CEP128: variants seen among roughly 807,000 people sequenced by gnomAD.
CEP128 encodes centrosomal protein 128kDa.
In CEP128, 132 loss-of-function variants were observed where a neutral mutation model predicts 156.7. That is an observed-to-expected ratio of 0.84 (90% CI 0.73 to 0.97). CEP128 has a LOEUF of 0.97. CEP128 is among the 50% of genes least tolerant of loss of function. The pLI is 0.00. For synonymous variants in CEP128, 469 were observed against 448.9 expected (o/e 1.04, Z -0.57); for missense variants, 1,252 against 1,281.9 (o/e 0.98, Z 0.36).
At chr14:80,849,986 C>T (rs771369423) in intron 9 of CEP128, among the ~76,000 whole-genome samples, 12 of 151,406 alleles carry the variant, frequency 7.9e-5, no homozygotes, top group Non-Finnish European at 1.6e-4. Context: ...ATATGATTCC[C>T]GCGAAAAAAA....
At chr14:80,511,822 A>G (rs1888272618) in intron 23 of CEP128, among the ~76,000 whole-genome samples, 1 of 151,844 alleles carries the variant, frequency 6.6e-6, no homozygotes, top group South Asian at 2.1e-4. Context: ...TAATTTTTAA[A>G]TTTCTCTTAG....
chr14:80,719,191 T>G (rs1296422360), intron 19 of CEP128, among the ~76,000 whole-genome samples: 1 of 152,214 alleles, frequency 6.6e-6, no homozygotes, highest in Admixed American at 6.5e-5. Context: ...ATGCAGAAGT[T>G]ACTGCCCCTT....
At chr14:80,740,314 A>G (rs1184027060) in intron 19 of CEP128, among the ~76,000 whole-genome samples, 1 of 152,120 alleles carries the variant, frequency 6.6e-6, no homozygotes, top group African/African-American at 2.4e-5. Flanking sequence ...GATACATAAA[A>G]CAAAACACAT....
intron 23 of CEP128, among the ~76,000 whole-genome samples, chr14:80,508,452 T>A (rs1594926767): frequency 6.6e-6 from 1 of 152,090 alleles, no homozygotes; most frequent in Non-Finnish European, 1.5e-5. Flanking sequence ...TCGTTTCCTA[T>A]TTTTTCATGG....
At chr14:80,723,982 A>C (rs1264264533) in intron 19 of CEP128, among the ~76,000 whole-genome samples, 3 of 152,072 alleles carry the variant, frequency 2.0e-5, no homozygotes. Flanking sequence ...AGAGGGGTTG[A>C]AGTTAGCTTG....
chr14:80,683,083 A>G (rs1183201784), intron 19 of CEP128, among the ~76,000 whole-genome samples: 1 of 152,092 alleles, frequency 6.6e-6, no homozygotes, highest in African/African-American at 2.4e-5. Context: ...ACTACAAAGC[A>G]TCCAGCTAAC....
intron 21 of CEP128, among the ~76,000 whole-genome samples, chr14:80,552,815 T>C (rs1374910543): frequency 6.6e-6 from 1 of 152,220 alleles, no homozygotes; most frequent in Non-Finnish European, 1.5e-5. Flanking sequence ...TAGTCAGTTA[T>C]ATCTGCTACA....
intron 19 of CEP128, among the ~76,000 whole-genome samples, chr14:80,684,451 T>C (rs1452924968): frequency 6.6e-6 from 1 of 151,954 alleles, no homozygotes; most frequent in Non-Finnish European, 1.5e-5. Flanking sequence ...GAATCAGTAA[T>C]GAAAAATCTA....
At chr14:80,698,470 G>C (rs1264268558) in intron 19 of CEP128, among the ~76,000 whole-genome samples, 1 of 152,068 alleles carries the variant, frequency 6.6e-6, no homozygotes, top group Non-Finnish European at 1.5e-5. Flanking sequence ...TAGGTACTAT[G>C]TCCATTTTAG....
At chr14:80,678,049 A>ATATATATATATATATATATATATGTGT (rs1555390206) in intron 19 of CEP128, among the ~76,000 whole-genome samples, 5 of 98,502 alleles carry the variant, frequency 5.1e-5, no homozygotes, top group African/African-American at 1.6e-4. Flanking sequence ...ATAAAAAAAA[A>ATATATATATATATATATATATATGTGT]ATATATATAT....
At chr14:80,617,003 G>C (rs1893240874) in intron 19 of CEP128, among the ~76,000 whole-genome samples, 1 of 152,016 alleles carries the variant, frequency 6.6e-6, no homozygotes, top group African/African-American at 2.4e-5. Flanking sequence ...GGTCCCAGTG[G>C]AAATCACTCA....
At chr14:80,778,144 T>C (rs1194370737) in intron 15 of CEP128, 98 bp from the exon 16 acceptor site, 21 of 954,376 alleles carry the variant, frequency 2.2e-5, no homozygotes, top group African/African-American at 3.3e-5. Flanking sequence ...CACTGCAAGA[T>C]TTCAGCTCGT....
At chr14:80,855,393 T>C (rs1387511825) in intron 9 of CEP128, among the ~76,000 whole-genome samples, 2 of 152,196 alleles carry the variant, frequency 1.3e-5, no homozygotes, top group Admixed American at 6.6e-5. Flanking sequence ...CATTTACTTG[T>C]AAACTCTATT....
chr14:80,704,916 C>T (rs778198542), intron 19 of CEP128, among the ~76,000 whole-genome samples: 7 of 151,894 alleles, frequency 4.6e-5, no homozygotes, highest in Admixed American at 6.6e-5. Flanking sequence ...TACATTACTC[C>T]AATCATCATC....
chr14:80,873,161 G>A (rs1314000877), intron 8 of CEP128, among the ~76,000 whole-genome samples: 1 of 152,306 alleles, frequency 6.6e-6, no homozygotes, highest in South Asian at 2.1e-4. Context: ...GCTGGGCAGA[G>A]GGGATAGCTG....
Position 80,777,934 on chromosome 14 carries a change from T to C in CEP128, c.2324A>G (p.Asn775Ser), listed in dbSNP as rs777753132. The change falls in exon 16 of 25, where the codon AAC becomes AGC. Residue 775 changes from asparagine to serine, a missense_variant. Coordinates refer to ENST00000555265, the MANE Select transcript of CEP128 (RefSeq NM_152446.5). The stretch of plus-strand genomic sequence containing the variant: ...TTGATATTTTAGCTTCAGTTTTTTG[T>C]TCTCATTTTCATTCTGGGTTAATTC... ...TEELTQNENE[N>S]KKLKLKYQCL... The C allele has an allele frequency of 2.3e-5, 37 of 1,612,692 alleles. No individual in the cohort carries two copies. In the South Asian group the frequency reaches 3.7e-4, roughly 16 times the overall value.
chr14:80,857,606 T>G (rs1178781466), intron 9 of CEP128, among the ~76,000 whole-genome samples: 1 of 151,768 alleles, frequency 6.6e-6, no homozygotes, highest in Non-Finnish European at 1.5e-5. Flanking sequence ...CTGGGCATGG[T>G]GATGCCTGCC....
chr14:80,827,584 G>C (rs1885547685), intron 13 of CEP128, among the ~76,000 whole-genome samples: 1 of 152,196 alleles, frequency 6.6e-6, no homozygotes, highest in Non-Finnish European at 1.5e-5. Flanking sequence ...CAGGAATAAA[G>C]ACATAGAATC....
chr14:80,776,958 C>G (rs1900826379), intron 16 of CEP128, among the ~76,000 whole-genome samples: 1 of 152,132 alleles, frequency 6.6e-6, no homozygotes. Flanking sequence ...TATGAAGTCA[C>G]TCAATAATTT....
Sources: allele counts gnomAD v4.1 joint callset (sites outside exome capture counted in the v4.1 genomes callset), GRCh38; gene constraint gnomAD v4.1.1; transcripts MANE v1.5; gene names NCBI Gene and HGNC (gene_info 2026-07-23, HGNC 2026-07-21).